PCDH11X: variants seen among roughly 807,000 people sequenced by gnomAD.
PCDH11X encodes protocadherin 11 X-linked, also known as protocadherin-11 X-linked.
In PCDH11X, 18 loss-of-function variants were observed where a neutral mutation model predicts 53.3. The ratio of observed to expected loss-of-function variants is 0.34; its 90% CI spans 0.23 to 0.50. The LOEUF is 0.50. Ranked by LOEUF, PCDH11X falls within the 20% of genes least tolerant of loss-of-function variation. The pLI, the probability that PCDH11X is intolerant of heterozygous loss-of-function variation, is 0.98. For synonymous variants in PCDH11X, 279 were observed against 393.3 expected, an observed-to-expected ratio of 0.71 and a Z score of 3.44; for missense variants, 570 against 1,032.4, an observed-to-expected ratio of 0.55 and a Z score of 6.14.
intron 6 of PCDH11X, among the ~76,000 whole-genome samples, chrX:92,173,588 G>T (rs1291775918): frequency 9.1e-6 from 1 of 110,348 alleles, no homozygotes; most frequent in Non-Finnish European, 1.9e-5. Context: ...AAAAAATATA[G>T]AGACCCTACT....
chrX:92,376,488 C>A (rs964297873), intron 8 of PCDH11X, among the ~76,000 whole-genome samples: 2 of 111,675 alleles, frequency 1.8e-5, no homozygotes, highest in Non-Finnish European at 3.8e-5. Context: ...AAAAAAATAT[C>A]CAGCAGCACT....
At chrX:92,365,558 C>A in intron 8 of PCDH11X, among the ~76,000 whole-genome samples, 1 of 110,702 alleles carries the variant, frequency 9.0e-6, no homozygotes, top group Non-Finnish European at 1.9e-5. Context: ...TTTGTTTATA[C>A]CAGGATTGCC....
intron 6 of PCDH11X, among the ~76,000 whole-genome samples, chrX:91,954,586 A>G (rs898564183): frequency 9.0e-6 from 1 of 111,061 alleles, no homozygotes; most frequent in Non-Finnish European, 1.9e-5. Context: ...ACAGTGTAAA[A>G]GCATTCCTTT....
chrX:92,148,689 A>G (rs1247071738), intron 6 of PCDH11X, among the ~76,000 whole-genome samples: 1 of 108,020 alleles, frequency 9.3e-6, no homozygotes, highest in African/African-American at 3.4e-5. Flanking sequence ...TTTTTTCTTT[A>G]TAAGATCATC....
At chrX:92,165,814 C>T (rs948791227) in intron 6 of PCDH11X, among the ~76,000 whole-genome samples, 5 of 111,293 alleles carry the variant, frequency 4.5e-5, no homozygotes, top group Non-Finnish European at 7.5e-5. Flanking sequence ...CTAGTACTTC[C>T]TGTGATAAAT....
chrX:92,123,782 C>T (rs2064814397), intron 6 of PCDH11X, among the ~76,000 whole-genome samples: 1 of 106,659 alleles, frequency 9.4e-6, no homozygotes, highest in Non-Finnish European at 1.9e-5. Context: ...ACATTCTTCT[C>T]AGAATAGATA....
At chrX:91,925,386 A>G (rs780971137) in intron 6 of PCDH11X, among the ~76,000 whole-genome samples, 2 of 111,649 alleles carry the variant, frequency 1.8e-5, no homozygotes, top group East Asian at 5.7e-4. Context: ...TACCATTGTA[A>G]AGTAAAAAAA....
At chrX:92,264,652 A>G (rs1439388786) in intron 8 of PCDH11X, among the ~76,000 whole-genome samples, 2 of 111,497 alleles carry the variant, frequency 1.8e-5, no homozygotes, top group South Asian at 3.7e-4. Context: ...TTAGTTCAAC[A>G]TTGAAATGTT....
intron 9 of PCDH11X, among the ~76,000 whole-genome samples, chrX:92,453,987 A>G (rs1416622355): frequency 9.6e-6 from 1 of 104,127 alleles, no homozygotes; most frequent in Non-Finnish European, 2.0e-5. Flanking sequence ...ATTAGTTTGA[A>G]TCAATCACTT....
intron 6 of PCDH11X, among the ~76,000 whole-genome samples, chrX:92,081,593 A>T (rs1171212758): frequency 1.8e-5 from 2 of 110,419 alleles, no homozygotes; most frequent in East Asian, 5.7e-4. Flanking sequence ...AATTGGGAAG[A>T]TGAAATGCAC....
At chrX:91,879,787 A>G (rs1174514562) in intron 6 of PCDH11X, 1 of 745,742 alleles carries the variant, frequency 1.3e-6, no homozygotes, top group Non-Finnish European at 1.6e-6. Context: ...GTCCTCATAA[A>G]GAAAAGTGTC....
At chrX:91,792,488 T>C (rs926032146) in intron 1 of PCDH11X, among the ~76,000 whole-genome samples, 7 of 110,295 alleles carry the variant, frequency 6.3e-5, no homozygotes, top group African/African-American at 1.7e-4. Flanking sequence ...ACTTGAAGAA[T>C]AGATTTTAAA....
At chrX:92,416,454 A>G (rs1308455510) in intron 9 of PCDH11X, among the ~76,000 whole-genome samples, 6 of 110,336 alleles carry the variant, frequency 5.4e-5, no homozygotes, top group Non-Finnish European at 1.1e-4. Context: ...CACCTCCTAC[A>G]TACTCACAAA....
intron 8 of PCDH11X, among the ~76,000 whole-genome samples, chrX:92,283,932 A>G (rs775254589): frequency 2.2e-4 from 24 of 111,578 alleles, no homozygotes; most frequent in Non-Finnish European, 3.8e-4. Context: ...TGGACTTACA[A>G]GTTCTCATTT....
At chrX:92,238,366 A>G (rs1349467776) in intron 7 of PCDH11X, among the ~76,000 whole-genome samples, 1 of 111,694 alleles carries the variant, frequency 9.0e-6, no homozygotes, top group South Asian at 3.7e-4. Flanking sequence ...CATCATATTC[A>G]ATAGGCAGAA....
At chrX:91,972,742 A>G (rs1390003222) in intron 6 of PCDH11X, among the ~76,000 whole-genome samples, 2 of 109,302 alleles carry the variant, frequency 1.8e-5, no homozygotes, top group African/African-American at 6.7e-5. Flanking sequence ...CAGGTTTGTC[A>G]AAGATCAGAT....
chrX:91,911,359 G>C (rs1373684160), intron 6 of PCDH11X, among the ~76,000 whole-genome samples: 1 of 109,260 alleles, frequency 9.2e-6, no homozygotes. Flanking sequence ...ATAATTATAG[G>C]CTACATGAGA....
chrX:92,238,862 T>C (rs1326942870), intron 7 of PCDH11X, among the ~76,000 whole-genome samples: 1 of 111,722 alleles, frequency 9.0e-6, no homozygotes, highest in Non-Finnish European at 1.9e-5. Context: ...AGACTTACTA[T>C]CCAATATGTG....
intron 6 of PCDH11X, among the ~76,000 whole-genome samples, chrX:92,198,202 C>T (rs1464550294): frequency 1.0e-5 from 1 of 100,061 alleles, no homozygotes; most frequent in Non-Finnish European, 2.0e-5. Flanking sequence ...TTGAGATCAG[C>T]CTGGGTAATA....
Sources: allele counts gnomAD v4.1 joint callset (sites outside exome capture counted in the v4.1 genomes callset), GRCh38; gene constraint gnomAD v4.1.1; transcripts MANE v1.5; gene names NCBI Gene and HGNC (gene_info 2026-07-23, HGNC 2026-07-21).